PIM1: variants seen among roughly 807,000 people sequenced by gnomAD.
PIM1 encodes serine/threonine-protein kinase pim-1.
PIM1 carries 9 observed loss-of-function variants against 34.5 expected under a neutral mutation model. The observed-to-expected ratio is 0.26, with a 90% CI of 0.16 to 0.46. The LOEUF (loss-of-function observed/expected upper bound fraction) is 0.46, where lower values mean the gene tolerates loss of function less well. PIM1 is among the 20% of genes least tolerant of loss of function. The probability of loss-of-function intolerance (pLI) is 1.00; values close to 1 mark genes in which losing one functional copy is unlikely to be tolerated. For missense variants in PIM1, 274 were observed against 410.9 expected, an observed-to-expected ratio of 0.67 and a Z score of 2.88; for synonymous variants, 199 against 175.2, an observed-to-expected ratio of 1.14 and a Z score of -1.07.
chr6:37,172,846 C>T (rs1287683155), intron 4 of PIM1, 150 bp from the exon 5 acceptor site: 2 of 751,046 alleles, frequency 2.7e-6, no homozygotes, highest in African/African-American at 1.7e-5. Flanking sequence ...CTCCACTCTC[C>T]TTAGCCCAGA....
At position 37,170,564 on chromosome 6, in the gene PIM1, C is replaced by T. The variant is rs925413363; in HGVS notation, c.-12C>T. 1.9e-6 allele frequency: 3 copies of T among 1,612,782 alleles called. No homozygotes were observed. The highest frequency in any genetic ancestry group is 1.7e-5 in the Admixed American group (1 of 59,980). On this transcript the variant is annotated 5_prime_UTR_variant, in exon 1 of 6. Coordinates refer to ENST00000373509, the MANE Select transcript of PIM1 (RefSeq NM_002648.4). ...TGGGCACCGTCCCTGCGCCGACATCCTGGAGGTTGGGATGCTCTTGTCCAA... is the reference window on the plus strand; with the variant it reads ...TGGGCACCGTCCCTGCGCCGACATCTTGGAGGTTGGGATGCTCTTGTCCAA...
rs528554956 is a variant in PIM1, at chr6:37,174,184, C to T, written c.*93C>T. ...CTTCCCGAGTACCAGTGACACGTCT[C>T]GCCAAGCAGGACAGTGCTTGATACA... is the stretch of plus-strand genomic sequence containing the variant. On this transcript the variant is annotated 3_prime_UTR_variant, in exon 6 of 6. Coordinates refer to ENST00000373509, the MANE Select transcript of PIM1 (RefSeq NM_002648.4). The T allele has an allele frequency of 2.0e-5, 25 of 1,259,490 alleles. No individual in the cohort carries two copies. In the East Asian group the frequency reaches 2.4e-4, roughly 12 times the overall value. 78.0% of individuals were successfully genotyped at this position (1,259,490 alleles called of 1,614,324 possible). A position where few individuals can be genotyped will look rare whatever the true frequency, so the allele number is the denominator to read the frequency against.
rs1762382750 is a variant in PIM1, at chr6:37,175,036, C to T, written c.*945C>T. 1 of 233,482 alleles carries T rather than the reference C, an allele frequency of 4.3e-6. No homozygotes were observed. The highest frequency in any genetic ancestry group is 8.5e-6 in the Non-Finnish European group (1 of 118,096). The allele number at this position is 233,482 out of a possible 1,614,324, so 14.5% of individuals were successfully genotyped here. ...TTGGTTCCCTTCCTATTCCAAGCTT[C>T]CATAGCTGCTGCCCTAGTTTTCTTT... is the stretch of plus-strand genomic sequence containing the variant. On this transcript the variant is annotated 3_prime_UTR_variant, in exon 6 of 6. Transcript: ENST00000373509.
rs1762364928 is a variant in PIM1 at position 37,174,308 on chromosome 6, C to G, written c.*217C>G. The G allele has an allele frequency of 1.4e-5, 6 of 417,180 alleles. No homozygotes were observed. Among genetic ancestry groups the G allele is most frequent in the Admixed American group, 4.3e-5 (1 of 23,372 alleles). 25.8% of individuals were successfully genotyped at this position (417,180 alleles called of 1,614,324 possible). A position where few individuals can be genotyped will look rare whatever the true frequency, so the allele number is the denominator to read the frequency against. On this transcript the variant is annotated 3_prime_UTR_variant, in exon 6 of 6. Transcript: ENST00000373509. Reference sequence around the variant, plus strand: ...CTCCAGGGGTCCTAGGCCTCAACTCCTCCCATAGATACTCTCTTCTTCTCA... The same window carrying G: ...CTCCAGGGGTCCTAGGCCTCAACTCGTCCCATAGATACTCTCTTCTTCTCA...
In PIM1 at chr6:37,173,992, C is replaced by T. The variant is rs148258857; in HGVS notation, c.843C>T (p.Phe281=). ...LALRPSDRPT[F]EEIQNHPWMQ... ...TGAGACCATCAGATAGGCCAACCTTCGAAGAAATCCAGAACCATCCATGGA... is the reference window on the plus strand; with the variant it reads ...TGAGACCATCAGATAGGCCAACCTTTGAAGAAATCCAGAACCATCCATGGA... The change falls in exon 6 of 6, where the codon TTC becomes TTT. Residue 281 remains phenylalanine, a synonymous_variant. Coordinates refer to ENST00000373509, the MANE Select transcript of PIM1 (RefSeq NM_002648.4). 42 of 1,613,950 alleles carry T rather than the reference C, an allele frequency of 2.6e-5. No homozygotes were observed. Among genetic ancestry groups the T allele is most frequent in the Non-Finnish European group, 3.6e-5 (42 of 1,179,978 alleles).
rs749636788 is a variant in PIM1, at chr6:37,174,920, TTTAAG to T, written c.*833_*837del. 1 of 233,660 alleles carries T rather than the reference TTTAAG, an allele frequency of 4.3e-6. No individual in the cohort carries two copies. The highest frequency in any genetic ancestry group is 8.5e-6 in the Non-Finnish European group (1 of 118,092). The allele number at this position is 233,660 out of a possible 1,614,324, so 14.5% of individuals were successfully genotyped here. The stretch of plus-strand genomic sequence containing the variant: ...GATCTAATTTTTAAGAAATTTTGCC[TTTAAG>T]TTATTTTACCTGTTTTTGTTTCTTG... On this transcript the variant is annotated 3_prime_UTR_variant, in exon 6 of 6. Coordinates refer to ENST00000373509, the MANE Select transcript of PIM1 (RefSeq NM_002648.4).
At position 37,173,104 on chromosome 6, in the gene PIM1, ATAT is replaced by A. The variant is rs1343760695; in HGVS notation, c.718_720del (p.Ile240del). On this transcript the variant is annotated inframe_deletion, in exon 5 of 6. Coordinates refer to ENST00000373509, the MANE Select transcript of PIM1 (RefSeq NM_002648.4). ...CTGCTGTATGATATGGTGTGTGGAG[ATAT>A]TCCTTTCGAGCATGACGAAGAGATC... 1 of 1,614,086 alleles carries A rather than the reference ATAT, an allele frequency of 6.2e-7. No individual in the cohort carries two copies. Among genetic ancestry groups the A allele is most frequent in the Non-Finnish European group, 8.5e-7 (1 of 1,180,022 alleles).
At position 37,175,133 on chromosome 6, in the gene PIM1, G is replaced by A. The variant is rs542937945; in HGVS notation, c.*1042G>A. On this transcript the variant is annotated 3_prime_UTR_variant, in exon 6 of 6. Coordinates refer to ENST00000373509, the MANE Select transcript of PIM1 (RefSeq NM_002648.4). ...ACGCTTGCTCTGTTTGTGGGGTGAC[G>A]GGACTCAGGCGGGACAGTGCTGCAG... The A allele has an allele frequency of 7.3e-5, 17 of 233,438 alleles. No individual in the cohort carries two copies. The highest frequency in any genetic ancestry group is 1.0e-4 in the Non-Finnish European group (12 of 118,116). The allele number at this position is 233,438 out of a possible 1,614,324, so 14.5% of individuals were successfully genotyped here.
chr6:37,174,420 C>T lies in PIM1; in HGVS notation c.*329C>T. 3.5e-6 allele frequency: 1 copy of T among 285,510 alleles called. No homozygotes were observed. Among genetic ancestry groups the T allele is most frequent in the Non-Finnish European group, 6.7e-6 (1 of 148,298 alleles). 17.7% of individuals were successfully genotyped at this position (285,510 alleles called of 1,614,324 possible). A position where few individuals can be genotyped will look rare whatever the true frequency, so the allele number is the denominator to read the frequency against. ...AACCCTGCCATGGAACTGTTTCCTT[C>T]ATCATGAGTTCTGCTGAATGCCGCG... On this transcript the variant is annotated 3_prime_UTR_variant, in exon 6 of 6. Transcript: ENST00000373509.
Position 37,173,078 on chromosome 6 carries a change from C to A in PIM1, c.690C>A (p.Ile230=). The change falls in exon 5 of 6, where the codon ATC becomes ATA. Residue 230 remains isoleucine, a synonymous_variant. Transcript: ENST00000373509. The part of the protein sequence containing the change: ...GRSAAVWSLG[I]LLYDMVCGDI... ...CGGCGGCAGTCTGGTCCCTGGGGAT[C>A]CTGCTGTATGATATGGTGTGTGGAG... 1 of 1,614,108 alleles carries A rather than the reference C, an allele frequency of 6.2e-7. No individual in the cohort carries two copies.
chr6:37,170,287 C>T lies in PIM1; in HGVS notation c.-289C>T. On this transcript the variant is annotated 5_prime_UTR_variant, in exon 1 of 6. Transcript: ENST00000373509. ...AGCAGCAGCAGCAGCAACCACTAGC[C>T]TCCTGCCCCGCGGCGCTGCCGCACG... The T allele has an allele frequency of 5.7e-6, 8 of 1,411,168 alleles. No individual in the cohort carries two copies. Among genetic ancestry groups the T allele is most frequent in the Non-Finnish European group, 7.4e-6 (8 of 1,085,456 alleles). The allele number at this position is 1,411,168 out of a possible 1,614,324, so 87.4% of individuals were successfully genotyped here.
intron 5 of PIM1, 142 bp from the exon 6 acceptor site, chr6:37,173,792 G>A (rs1231062396): frequency 1.6e-6 from 1 of 632,816 alleles, no homozygotes; most frequent in Non-Finnish European, 2.7e-6. Context: ...CTATTGAAGG[G>A]TACCCAGCAC....
rs746596001 is a variant in PIM1 at position 37,174,124 on chromosome 6, C to T, written c.*33C>T. 1.8e-5 allele frequency: 28 copies of T among 1,592,102 alleles called. No individual in the cohort carries two copies. In the East Asian group the frequency reaches 2.7e-4, roughly 15 times the overall value. On this transcript the variant is annotated 3_prime_UTR_variant, in exon 6 of 6. Coordinates refer to ENST00000373509, the MANE Select transcript of PIM1 (RefSeq NM_002648.4). ...TCTGGCAGGTCCTCCCCTCTCTTGT[C>T]AGATGCCCGAGGGAGGGGAAGCTTC...
In PIM1 at chr6:37,171,223, C is replaced by G. The variant is rs755705772; in HGVS notation, c.339C>G (p.Pro113=). ...VIRLLDWFER[P]DSFVLILERP... is the part of the protein sequence containing the mutation. ...GGCTCCTGGACTGGTTCGAGAGGCC[C>G]GACAGTTTCGTCCTGATCCTGGAGA... is the stretch of plus-strand genomic sequence containing the variant. The change falls in exon 4 of 6, where the codon CCC becomes CCG. Residue 113 remains proline (P), a synonymous_variant. Transcript: ENST00000373509. 7 of 1,613,976 alleles carry G rather than the reference C, an allele frequency of 4.3e-6. No individual in the cohort carries two copies. Among genetic ancestry groups the G allele is most frequent in the East Asian group, 2.2e-5 (1 of 44,898 alleles).
At chr6:37,173,328 G>C (rs1293990147) in intron 5 of PIM1, among the ~76,000 whole-genome samples, 156 bp downstream of exon 5, 4 of 152,188 alleles carry the variant, frequency 2.6e-5, no homozygotes, top group Non-Finnish European at 4.4e-5. Context: ...ACTTGAGCTG[G>C]CCTCATAAAT....
rs368369675 is a variant in PIM1 at position 37,171,238 on chromosome 6, G to A, written c.354G>A (p.Leu118=). The A allele has an allele frequency of 3.9e-5, 63 of 1,613,940 alleles. No homozygotes were observed. Among genetic ancestry groups the A allele is most frequent in the African/African-American group, 1.5e-4 (11 of 74,944 alleles). ...TCGAGAGGCCCGACAGTTTCGTCCT[G>A]ATCCTGGAGAGGCCCGAGCCGGTGC... ...DWFERPDSFV[L]ILERPEPVQD... Residue 118 remains leucine (L), a synonymous_variant, in exon 4 of 6, where the codon CTG becomes CTA. Coordinates refer to ENST00000373509, the MANE Select transcript of PIM1 (RefSeq NM_002648.4).
At position 37,170,620 on chromosome 6, in the gene PIM1, G is replaced by T; in HGVS notation, c.45G>T (p.Ala15=). Residue 15 remains alanine, a synonymous_variant, in exon 1 of 6, where the codon GCG becomes GCT. Transcript: ENST00000373509. ...KINSLAHLRA[A]PCNDLHATKL... is the part of the protein sequence containing the mutation. ...ACTCGCTTGCCCACCTGCGCGCCGC[G>T]CCCTGCAACGACCTGCACGCCACCA... 1 of 1,612,842 alleles carries T rather than the reference G, an allele frequency of 6.2e-7. No individual in the cohort carries two copies. Among genetic ancestry groups the T allele is most frequent in the South Asian group, 1.1e-5 (1 of 91,048 alleles).
chr6:37,174,375 G>T lies in PIM1; in HGVS notation c.*284G>T, dbSNP rs1335353429. 5.5e-5 allele frequency: 7 copies of T among 128,128 alleles called. No individual in the cohort carries two copies. In the East Asian group the frequency reaches 1.2e-3, roughly 22 times the overall value. 7.9% of individuals were successfully genotyped at this position (128,128 alleles called of 1,614,324 possible). ...CTGGACTCTGAAATATCCCGGGGGT[G>T]GGGGGTGGGGGTGGGTCAGAACCCT... On this transcript the variant is annotated 3_prime_UTR_variant, in exon 6 of 6. Transcript: ENST00000373509.
At position 37,174,991 on chromosome 6, in the gene PIM1, GTATT is replaced by G. The variant is rs750512911; in HGVS notation, c.*918_*921del. The G allele has an allele frequency of 3.9e-5, 9 of 233,336 alleles. No homozygotes were observed. The highest frequency in any genetic ancestry group is 1.1e-4 in the Admixed American group (2 of 17,762). The allele number at this position is 233,336 out of a possible 1,614,324, so 14.5% of individuals were successfully genotyped here. On this transcript the variant is annotated 3_prime_UTR_variant, in exon 6 of 6. Transcript: ENST00000373509. ...ATTCTAACCTGGAGGTCAATGTTAT[GTATT>G]TATTTATTTATTTATTTGGTTCCCT...
Sources: gnomAD v4.1 joint callset for allele counts (sites outside exome capture counted in the v4.1 genomes callset) on GRCh38, gnomAD v4.1.1 for gene constraint, MANE v1.5 for transcripts, NCBI Gene and HGNC (gene_info 2026-07-23, HGNC 2026-07-21) for gene names.